Variants in CCDC102B observed in about 807,000 individuals in gnomAD.
CCDC102B encodes coiled-coil domain-containing protein 102B.
In CCDC102B, 75 loss-of-function variants were observed where a neutral mutation model predicts 57.4. That is an observed-to-expected ratio of 1.31 (90% CI 1.08 to 1.58). The LOEUF (loss-of-function observed/expected upper bound fraction) is 1.58. CCDC102B is among the 40% of genes most tolerant of loss of function. The probability of loss-of-function intolerance (pLI) is 0.00; values close to 1 mark genes in which losing one functional copy is unlikely to be tolerated. For synonymous variants in CCDC102B, 206 were observed against 201.9 expected, an observed-to-expected ratio of 1.02 and a Z score of -0.17; for missense variants, 636 against 582.6, an observed-to-expected ratio of 1.09 and a Z score of -0.94.
At chr18:68,930,761 G>A (rs1315376504) in intron 6 of CCDC102B, among the ~76,000 whole-genome samples, 1 of 151,874 alleles carries the variant, frequency 6.6e-6, no homozygotes, top group East Asian at 1.9e-4. Flanking sequence ...ATTTTGGATG[G>A]TTGCTTTAAT....
In CCDC102B at chr18:69,055,054, C is replaced by G. The variant is rs947880679; in HGVS notation, c.*917C>G. On this transcript the variant is annotated 3_prime_UTR_variant, in exon 8 of 8. Transcript: ENST00000360242. ...ACTTATAATTTTCCATACCTATTTTCAACTGAAGGCAACTTGTAAGATTTA... is the reference window on the plus strand; with the variant it reads ...ACTTATAATTTTCCATACCTATTTTGAACTGAAGGCAACTTGTAAGATTTA... The G allele has an allele frequency of 4.1e-6, 4 of 982,358 alleles. No individual in the cohort carries two copies. In the African/African-American group the frequency reaches 7.0e-5, roughly 17 times the overall value. The allele number at this position is 982,358 out of a possible 1,614,324, so 60.9% of individuals were successfully genotyped here.
At chr18:68,751,981 G>T (rs77709526) in intron 2 of CCDC102B, among the ~76,000 whole-genome samples, 1 of 152,136 alleles carries the variant, frequency 6.6e-6, no homozygotes, top group Non-Finnish European at 1.5e-5. Context: ...ACGCATCAAG[G>T]TCGGGCATGG....
intron 1 of CCDC102B, among the ~76,000 whole-genome samples, chr18:68,826,166 A>G (rs372475262): frequency 1.3e-5 from 2 of 152,228 alleles, no homozygotes; most frequent in East Asian, 3.8e-4. Context: ...TTATGCAGCA[A>G]TATAGTTTCT....
intron 5 of CCDC102B, among the ~76,000 whole-genome samples, chr18:68,881,137 A>C (rs1164692751): frequency 6.6e-6 from 1 of 152,236 alleles, no homozygotes; most frequent in East Asian, 1.9e-4. Context: ...TGAGTGGAAG[A>C]TGTCATTTGG....
At chr18:68,729,992 C>G (rs1055396142) in intron 2 of CCDC102B, among the ~76,000 whole-genome samples, 1 of 152,134 alleles carries the variant, frequency 6.6e-6, no homozygotes, top group Non-Finnish European at 1.5e-5. Flanking sequence ...CAAAGATGCT[C>G]TACTTCATTA....
intron 7 of CCDC102B, among the ~76,000 whole-genome samples, chr18:69,022,222 T>TATATATATATAAA (rs1395799223): frequency 1.1e-5 from 1 of 94,980 alleles, no homozygotes; most frequent in South Asian, 3.2e-4. Flanking sequence ...TATATATATA[T>TATATATATATAAA]AACACACACA....
In CCDC102B at chr18:69,054,229, C is replaced by T; in HGVS notation, c.*92C>T. Reference sequence around the variant, plus strand: ...ATATCAGTAAAATTGTTTTTATTAACTAGAAATATTAATGAAAAAAACGTA... The same window carrying T: ...ATATCAGTAAAATTGTTTTTATTAATTAGAAATATTAATGAAAAAAACGTA... On this transcript the variant is annotated 3_prime_UTR_variant, in exon 8 of 8. Coordinates refer to ENST00000360242, the MANE Select transcript of CCDC102B (RefSeq NM_024781.3). 5 of 1,392,158 alleles carry T rather than the reference C, an allele frequency of 3.6e-6. No individual in the cohort carries two copies. In the South Asian group the frequency reaches 5.1e-5, roughly 14 times the overall value. The allele number at this position is 1,392,158 out of a possible 1,614,324, so 86.2% of individuals were successfully genotyped here. A position where few individuals can be genotyped will look rare whatever the true frequency, so the allele number is the denominator to read the frequency against.
At chr18:68,959,631 T>C (rs1296338949) in intron 6 of CCDC102B, among the ~76,000 whole-genome samples, 1 of 152,062 alleles carries the variant, frequency 6.6e-6, no homozygotes, top group East Asian at 1.9e-4. Flanking sequence ...AGAGATGCTC[T>C]CCGGAAGCCA....
intron 6 of CCDC102B, among the ~76,000 whole-genome samples, chr18:68,913,671 AG>A (rs1555725500): frequency 6.9e-6 from 1 of 145,378 alleles, no homozygotes. Context: ...AAAAAAAAAA[AG>A]CAAAAACAAA....
chr18:68,992,063 A>G (rs1180419483), intron 6 of CCDC102B, among the ~76,000 whole-genome samples: 1 of 151,976 alleles, frequency 6.6e-6, no homozygotes, highest in Non-Finnish European at 1.5e-5. Context: ...TATTTTTGCC[A>G]GTTATTGTAT....
chr18:69,024,772 A>G (rs1452848697), intron 7 of CCDC102B, among the ~76,000 whole-genome samples: 1 of 152,046 alleles, frequency 6.6e-6, no homozygotes, highest in Non-Finnish European at 1.5e-5. Context: ...CAGGAATGTA[A>G]TGCATGTTCT....
intron 7 of CCDC102B, among the ~76,000 whole-genome samples, chr18:69,021,880 A>G (rs1282300218): frequency 6.6e-6 from 1 of 152,042 alleles, no homozygotes; most frequent in Non-Finnish European, 1.5e-5. Flanking sequence ...CAATAATTTC[A>G]TTCTCCCCGG....
At chr18:68,865,528 A>C (rs926495183) in intron 4 of CCDC102B, among the ~76,000 whole-genome samples, 1 of 152,180 alleles carries the variant, frequency 6.6e-6, no homozygotes, top group Non-Finnish European at 1.5e-5. Flanking sequence ...TTCCAGATTC[A>C]CAACTTCCAT....
chr18:68,730,981 T>A (rs1352308637), intron 2 of CCDC102B, among the ~76,000 whole-genome samples: 17 of 152,198 alleles, frequency 1.1e-4, no homozygotes, highest in Non-Finnish European at 2.5e-4. Context: ...GTTTATTTTT[T>A]AAATTTTATT....
chr18:68,838,593 TA>T, intron 2 of CCDC102B, 112 bp from the exon 3 acceptor site: 1 of 1,455,420 alleles, frequency 6.9e-7, no homozygotes, highest in African/African-American at 1.4e-5. Flanking sequence ...GATAATGAAA[TA>T]AAAATATGAA....
chr18:68,992,237 T>G (rs1194513714), intron 6 of CCDC102B, among the ~76,000 whole-genome samples: 1 of 152,116 alleles, frequency 6.6e-6, no homozygotes, highest in Admixed American at 6.5e-5. Flanking sequence ...GGGCCCTGAG[T>G]ACTTTGATTA....
At chr18:68,961,517 TTAC>T (rs1395087404) in intron 6 of CCDC102B, among the ~76,000 whole-genome samples, 1 of 151,938 alleles carries the variant, frequency 6.6e-6, no homozygotes, top group Non-Finnish European at 1.5e-5. Flanking sequence ...CATATGCAAA[TTAC>T]TAAAATATTA....
intron 6 of CCDC102B, among the ~76,000 whole-genome samples, chr18:68,962,814 T>C (rs1023433494): frequency 1.3e-5 from 2 of 152,030 alleles, no homozygotes; most frequent in Non-Finnish European, 1.5e-5. Context: ...ACTGTGGAAG[T>C]CTTCCGGCTT....
intron 7 of CCDC102B, among the ~76,000 whole-genome samples, chr18:69,018,930 T>G (rs778242999): frequency 6.6e-6 from 1 of 152,008 alleles, no homozygotes; most frequent in Non-Finnish European, 1.5e-5. Context: ...TCTGAGGTTA[T>G]TTTTGTGTGT....
Sources: gnomAD v4.1 joint callset for allele counts (sites outside exome capture counted in the v4.1 genomes callset) on GRCh38, gnomAD v4.1.1 for gene constraint, MANE v1.5 for transcripts, NCBI Gene and HGNC (gene_info 2026-07-23, HGNC 2026-07-21) for gene names.